The following LSAMP variants were observed in gnomAD, a reference collection of about 807,000 sequenced individuals.
LSAMP encodes the protein limbic system-associated membrane protein.
Under a neutral mutation model 38.6 loss-of-function variants are expected in LSAMP, and 7 were observed. The ratio of observed to expected loss-of-function variants is 0.18; its 90% CI spans 0.10 to 0.34. The LOEUF (loss-of-function observed/expected upper bound fraction) is 0.34, where lower values mean the gene tolerates loss of function less well. Among genes scored for constraint, LSAMP ranks in the 10% least tolerant of loss-of-function variants. LSAMP has a pLI of 1.00. For missense variants in LSAMP, 313 were observed against 420.0 expected, an observed-to-expected ratio of 0.75 and a Z score of 2.23; for synonymous variants, 154 against 166.8, an observed-to-expected ratio of 0.92 and a Z score of 0.59.
intron 1 of LSAMP, among the ~76,000 whole-genome samples, chr3:116,110,918 G>GT (rs1708595917): frequency 6.6e-6 from 1 of 152,062 alleles, no homozygotes; most frequent in Non-Finnish European, 1.5e-5. Context: ...GGAGGTAGGG[G>GT]TGGGGCCGTT....
intron 2 of LSAMP, among the ~76,000 whole-genome samples, chr3:116,054,393 G>C (rs1941452157): frequency 6.6e-6 from 1 of 152,096 alleles, no homozygotes; most frequent in South Asian, 2.1e-4. Flanking sequence ...CCAGGATAAG[G>C]AGTAAACATC....
chr3:116,438,409 AC>A (rs2049385897), intron 1 of LSAMP, among the ~76,000 whole-genome samples: 1 of 152,194 alleles, frequency 6.6e-6, no homozygotes, highest in Admixed American at 6.6e-5. Flanking sequence ...TTAATAAATT[AC>A]AGTATTTCAT....
intron 1 of LSAMP, among the ~76,000 whole-genome samples, chr3:116,428,163 T>C (rs958583942): frequency 1.3e-5 from 2 of 152,166 alleles, no homozygotes; most frequent in Non-Finnish European, 2.9e-5. Flanking sequence ...ACTGAACATA[T>C]CATTACCTGG....
intron 3 of LSAMP, among the ~76,000 whole-genome samples, chr3:115,869,198 C>T (rs943924241): frequency 2.0e-5 from 3 of 150,944 alleles, no homozygotes; most frequent in African/African-American, 7.3e-5. Flanking sequence ...TAGCCATAAA[C>T]AAAAAGCCAG....
intron 2 of LSAMP, among the ~76,000 whole-genome samples, chr3:116,085,772 G>C (rs62269163): frequency 0.012 from 1,807 of 152,180 alleles, 16 homozygotes; most frequent in Non-Finnish European, 0.02. Context: ...CTTTGTCACT[G>C]GATTTCATCA....
intron 1 of LSAMP, among the ~76,000 whole-genome samples, chr3:116,175,181 T>G (rs1710306875): frequency 6.6e-6 from 1 of 152,084 alleles, no homozygotes; most frequent in African/African-American, 2.4e-5. Context: ...ATTCAAAATA[T>G]TTTTTTAGAC....
intron 1 of LSAMP, among the ~76,000 whole-genome samples, chr3:116,298,010 A>C (rs756191141): frequency 1.2e-4 from 19 of 152,062 alleles, no homozygotes; most frequent in Admixed American, 2.6e-4. Flanking sequence ...TATGCATGGC[A>C]TCTCTGGCAG....
At chr3:115,943,704 GGAACT>G (rs1168441810) in intron 3 of LSAMP, among the ~76,000 whole-genome samples, 1 of 152,180 alleles carries the variant, frequency 6.6e-6, no homozygotes, top group African/African-American at 2.4e-5. Flanking sequence ...ATCCGAAACA[GGAACT>G]AAACTGTACA....
At chr3:116,276,417 A>G (rs1354948753) in intron 1 of LSAMP, among the ~76,000 whole-genome samples, 1 of 152,212 alleles carries the variant, frequency 6.6e-6, no homozygotes, top group East Asian at 1.9e-4. Context: ...TAGCAAACAT[A>G]CAAAGCATTA....
At chr3:115,834,684 T>A in intron 6 of LSAMP, 1 of 588,650 alleles carries the variant, frequency 1.7e-6, no homozygotes, top group Non-Finnish European at 2.3e-6. Context: ...CAAACAATTA[T>A]ACAACAGATG....
At chr3:115,966,451 C>G (rs918547416) in intron 3 of LSAMP, among the ~76,000 whole-genome samples, 1 of 152,114 alleles carries the variant, frequency 6.6e-6, no homozygotes. Context: ...ACCAATATAA[C>G]CACATTAGAA....
chr3:115,996,991 C>T (rs1440142961), intron 3 of LSAMP, among the ~76,000 whole-genome samples: 1 of 152,076 alleles, frequency 6.6e-6, no homozygotes, highest in East Asian at 1.9e-4. Flanking sequence ...CACGTACCGA[C>T]TAGAGTGACC....
intron 6 of LSAMP, among the ~76,000 whole-genome samples, chr3:115,828,757 C>T (rs1934512277): frequency 6.6e-6 from 1 of 151,946 alleles, no homozygotes; most frequent in African/African-American, 2.4e-5. Flanking sequence ...ATTTTTTTTT[C>T]TATAAAGCTC....
At chr3:116,208,838 T>C (rs911240665) in intron 1 of LSAMP, among the ~76,000 whole-genome samples, 2 of 152,208 alleles carry the variant, frequency 1.3e-5, no homozygotes, top group African/African-American at 4.8e-5. Flanking sequence ...TTGCAGAGTT[T>C]ACTGCTGTCT....
intron 1 of LSAMP, among the ~76,000 whole-genome samples, chr3:116,412,221 T>C (rs1301883162): frequency 6.6e-6 from 1 of 152,016 alleles, no homozygotes; most frequent in East Asian, 1.9e-4. Flanking sequence ...TTATACCCAA[T>C]AGCCAGAATG....
At chr3:116,404,896 C>T (rs2048882222) in intron 1 of LSAMP, among the ~76,000 whole-genome samples, 1 of 151,904 alleles carries the variant, frequency 6.6e-6, no homozygotes, top group Admixed American at 6.6e-5. Flanking sequence ...CTCTAAATGT[C>T]TCATTTTCTA....
At chr3:115,852,361 T>A (rs1935361101) in intron 4 of LSAMP, 122 bp downstream of exon 4, 1 of 1,203,868 alleles carries the variant, frequency 8.3e-7, no homozygotes, top group South Asian at 1.7e-5. Context: ...AAATGTGCAT[T>A]CCTGGCCAGA....
At chr3:116,296,546 G>GGTGGTGGGTGCC (rs1358443099) in intron 1 of LSAMP, among the ~76,000 whole-genome samples, 25 of 151,956 alleles carry the variant, frequency 1.6e-4, no homozygotes, top group Admixed American at 1.2e-3. Context: ...AGCCGGGCAT[G>GGTGGTGGGTGCC]GTGGTGGGTG....
intron 1 of LSAMP, among the ~76,000 whole-genome samples, chr3:116,267,613 A>C (rs1468995804): frequency 1.1e-5 from 1 of 91,316 alleles, no homozygotes; most frequent in African/African-American, 5.6e-5. Flanking sequence ...TAAGCTGGCA[A>C]AAAAAAAAAA....
Sources: allele counts gnomAD v4.1 joint callset (sites outside exome capture counted in the v4.1 genomes callset), GRCh38; gene constraint gnomAD v4.1.1; transcripts MANE v1.5; gene names NCBI Gene and HGNC (gene_info 2026-07-23, HGNC 2026-07-21).